Variants in CCAR1 observed in about 807,000 individuals in gnomAD.
CCAR1 encodes the protein cell division cycle and apoptosis regulator 1.
In CCAR1, 78 loss-of-function variants were observed where a neutral mutation model predicts 163.8. The observed-to-expected ratio is 0.48, with a 90% CI of 0.40 to 0.57. CCAR1 has a LOEUF of 0.57. CCAR1 is among the 20% of genes least tolerant of loss of function. CCAR1 has a pLI of 0.00. For missense variants in CCAR1, 1,019 were observed against 1,365.2 expected (o/e 0.75, Z 4.00); for synonymous variants, 443 against 460.7 (o/e 0.96, Z 0.49).
chr10:68,751,682 G>A (rs1379158399), intron 10 of CCAR1, among the ~76,000 whole-genome samples: 1 of 151,612 alleles, frequency 6.6e-6, no homozygotes, highest in African/African-American at 2.4e-5. Context: ...GGCCAACATG[G>A]TGAAACTCCA....
At chr10:68,782,174 G>C (rs1429396715) in intron 19 of CCAR1, among the ~76,000 whole-genome samples, 1 of 152,160 alleles carries the variant, frequency 6.6e-6, no homozygotes, top group African/African-American at 2.4e-5. Flanking sequence ...TCTGAACAAG[G>C]CCCTAACTCT....
At chr10:68,736,635 G>A (rs954128980) in intron 2 of CCAR1, among the ~76,000 whole-genome samples, 4 of 151,998 alleles carry the variant, frequency 2.6e-5, no homozygotes, top group Non-Finnish European at 4.4e-5. Context: ...AGGTTCATAC[G>A]TGGTGCAAAT....
intron 17 of CCAR1, among the ~76,000 whole-genome samples, chr10:68,768,405 T>G (rs1360894348): frequency 6.6e-6 from 1 of 151,032 alleles, no homozygotes; most frequent in Non-Finnish European, 1.5e-5. Flanking sequence ...AGGTCAGGAG[T>G]TTGAGACCAG....
intron 2 of CCAR1, among the ~76,000 whole-genome samples, chr10:68,728,271 A>G (rs1301084640): frequency 6.6e-6 from 1 of 151,574 alleles, no homozygotes; most frequent in Non-Finnish European, 1.5e-5. Context: ...CATTTCATAT[A>G]TTTTTTTAAA....
At chr10:68,773,219 A>G (rs536334012) in intron 19 of CCAR1, 120 bp downstream of exon 19, 79 of 541,740 alleles carry the variant, frequency 1.5e-4, no homozygotes, top group South Asian at 1.4e-3. Context: ...AAAGAGTAAT[A>G]TACTCTTCAG....
At chr10:68,729,847 G>T (rs893730727) in intron 2 of CCAR1, among the ~76,000 whole-genome samples, 1 of 152,064 alleles carries the variant, frequency 6.6e-6, no homozygotes, top group Non-Finnish European at 1.5e-5. Flanking sequence ...CAGTCCTCCT[G>T]CCTTAGGCTC....
chr10:68,771,311 A>G lies in CCAR1; in HGVS notation c.2404A>G (p.Lys802Glu), dbSNP rs1220451454. 1 of 1,609,556 alleles carries G rather than the reference A, an allele frequency of 6.2e-7. No individual in the cohort carries two copies. The highest frequency in any genetic ancestry group is 1.1e-5 in the South Asian group (1 of 89,782). ...TCCTGAGAAAGAGGACAAAAAAGAA[A>G]AGGATAAAAAAAGCAAAAAAGATGA... ...SLPEKEDKKE[K>E]DKKSKKDERK... Residue 802 changes from lysine to glutamate, a missense_variant, in exon 18 of 25, where the codon AAG becomes GAG. Lys to Glu is a moderately conservative substitution (Grantham distance 56). Transcript: ENST00000265872.
chr10:68,740,670 G>A lies in CCAR1; in HGVS notation c.324+9G>A. The A allele has an allele frequency of 6.2e-7, 1 of 1,602,956 alleles. No individual in the cohort carries two copies. The highest frequency in any genetic ancestry group is 8.5e-7 in the Non-Finnish European group (1 of 1,173,708). ...AAACCCTCTTAACACAGGTTAGTTG[G>A]TATTACTTTATTTGTTTTGGATGTC... On this transcript the variant is annotated intron_variant, in intron 5 of 24. Coordinates refer to ENST00000265872, the MANE Select transcript of CCAR1 (RefSeq NM_018237.4).
intron 10 of CCAR1, among the ~76,000 whole-genome samples, chr10:68,752,279 G>A (rs2056342500): frequency 6.6e-6 from 1 of 152,094 alleles, no homozygotes; most frequent in East Asian, 1.9e-4. Context: ...TCTCTTGCAA[G>A]TAAAAATGAT....
At chr10:68,761,987 A>C (rs538801372) in intron 16 of CCAR1, among the ~76,000 whole-genome samples, 1 of 152,168 alleles carries the variant, frequency 6.6e-6, no homozygotes, top group Admixed American at 6.6e-5. Context: ...TTACAAATGC[A>C]TATAGTTATA....
chr10:68,775,970 T>C (rs1163209), intron 19 of CCAR1, among the ~76,000 whole-genome samples: 145,016 of 151,962 alleles, frequency 0.95, 69,246 homozygotes, highest in East Asian at 1. Context: ...GCTGGAGTTA[T>C]AGACATGGGC....
intron 2 of CCAR1, among the ~76,000 whole-genome samples, chr10:68,730,377 G>A (rs1335241972): frequency 1.3e-5 from 2 of 150,676 alleles, no homozygotes; most frequent in East Asian, 2.0e-4. Context: ...TAGCTCTGTT[G>A]CCCAGGCTGG....
At chr10:68,743,227 C>T (rs1364244869) in intron 6 of CCAR1, among the ~76,000 whole-genome samples, 1 of 149,974 alleles carries the variant, frequency 6.7e-6, no homozygotes, top group Non-Finnish European at 1.5e-5. Context: ...GACAGCGCCT[C>T]ACTCTGTAAC....
intron 2 of CCAR1, among the ~76,000 whole-genome samples, chr10:68,724,067 A>T (rs965603221): frequency 6.6e-6 from 1 of 151,802 alleles, no homozygotes; most frequent in South Asian, 2.1e-4. Context: ...CTGAAGCTGG[A>T]GAATCGCTTG....
At chr10:68,739,307 G>A (rs972194883) in intron 4 of CCAR1, among the ~76,000 whole-genome samples, 2 of 152,086 alleles carry the variant, frequency 1.3e-5, no homozygotes, top group African/African-American at 4.8e-5. Flanking sequence ...ATGCCACTAG[G>A]CCCGCCTAAT....
intron 3 of CCAR1, among the ~76,000 whole-genome samples, chr10:68,737,601 T>G (rs1180401126): frequency 6.6e-6 from 1 of 152,058 alleles, no homozygotes; most frequent in Non-Finnish European, 1.5e-5. Context: ...TACTTCTTTT[T>G]GGATCCCGGA....
Position 68,788,292 on chromosome 10 carries a change from G to C in CCAR1, c.3151G>C (p.Val1051Leu). ...LEKSEKVRAEVEQKLQLLEEK... is the reference protein window; with the variant it reads ...LEKSEKVRAELEQKLQLLEEK... ...AAAGAGCGAAAAAGTAAGAGCTGAGGTAGAACAGAAGCTGCAGTTACTAGA... is the reference window on the plus strand; with the variant it reads ...AAAGAGCGAAAAAGTAAGAGCTGAGCTAGAACAGAAGCTGCAGTTACTAGA... Residue 1051 changes from valine to leucine, a missense_variant, in exon 23 of 25, where the codon GTA becomes CTA. By Grantham distance (32) the Val-to-Leu change is conservative. Around this residue, in one of 4 missense-constraint regions of CCAR1, gnomAD observed 358 missense variants for 406.4 expected, o/e 0.88. Coordinates refer to ENST00000265872, the MANE Select transcript of CCAR1 (RefSeq NM_018237.4). 1 of 1,583,014 alleles carries C rather than the reference G, an allele frequency of 6.3e-7. No individual in the cohort carries two copies. Among genetic ancestry groups the C allele is most frequent in the Non-Finnish European group, 8.5e-7 (1 of 1,170,998 alleles).
chr10:68,787,952 T>C lies in CCAR1; in HGVS notation c.2906T>C (p.Val969Ala), dbSNP rs777264460. The C allele has an allele frequency of 9.9e-6, 16 of 1,612,546 alleles. No individual in the cohort carries two copies. The highest frequency in any genetic ancestry group is 3.3e-5 in the Admixed American group (2 of 59,720). Residue 969 changes from valine (V) to alanine (A), a missense_variant, in exon 22 of 25, where the codon GTG (valine) becomes GCG (alanine). By Grantham distance (64) the Val-to-Ala change is moderately conservative. Coordinates refer to ENST00000265872, the MANE Select transcript of CCAR1 (RefSeq NM_018237.4). ...AQVKKLLNKV[V>A]LRESCFYRKL... ...GTAAAGAAGCTTCTTAATAAAGTAGTGCTCCGTGAATCTTGCTTTTACCGG... is the reference window on the plus strand; with the variant it reads ...GTAAAGAAGCTTCTTAATAAAGTAGCGCTCCGTGAATCTTGCTTTTACCGG...
At chr10:68,771,096 T>A in intron 17 of CCAR1, 110 bp from the exon 18 acceptor site, 7 of 927,816 alleles carry the variant, frequency 7.5e-6, no homozygotes, top group East Asian at 2.6e-5. Context: ...AAAAGTTTGA[T>A]AAGTTTACAT....
Sources: allele counts gnomAD v4.1 joint callset (sites outside exome capture counted in the v4.1 genomes callset), GRCh38; gene constraint gnomAD v4.1.1; regional missense constraint gnomAD v4.1.1; transcripts MANE v1.5; gene names NCBI Gene and HGNC (gene_info 2026-07-23, HGNC 2026-07-21).